The following INPP4B variants were observed in gnomAD, a reference collection of about 807,000 sequenced individuals.
INPP4B encodes inositol polyphosphate 4-phosphatase type II.
In INPP4B, 55 loss-of-function variants were observed where a neutral mutation model predicts 122.5. The observed-to-expected ratio is 0.45, with a 90% CI of 0.36 to 0.56. The LOEUF (loss-of-function observed/expected upper bound fraction) is 0.56. INPP4B is among the 20% of genes least tolerant of loss of function. The pLI is 0.00. For synonymous variants in INPP4B, 403 were observed against 388.7 expected (o/e 1.04, Z -0.43); for missense variants, 1,000 against 1,097.7 (o/e 0.91, Z 1.26).
chr4:142,649,572 A>C (rs993372691), intron 2 of INPP4B, among the ~76,000 whole-genome samples: 1 of 152,230 alleles, frequency 6.6e-6, no homozygotes, highest in Admixed American at 6.5e-5. Flanking sequence ...ATGCATACAT[A>C]AGCTTCAATA....
At chr4:142,713,980 A>G (rs1445846228) in intron 2 of INPP4B, among the ~76,000 whole-genome samples, 1 of 152,206 alleles carries the variant, frequency 6.6e-6, no homozygotes, top group Non-Finnish European at 1.5e-5. Flanking sequence ...TTACATGAAA[A>G]CATACACTAA....
chr4:142,398,422 ATATATATATATATATATATAT>A (rs1267681045), intron 7 of INPP4B, among the ~76,000 whole-genome samples: 2 of 106,404 alleles, frequency 1.9e-5, no homozygotes, highest in East Asian at 3.2e-4. Flanking sequence ...ATATATATAT[ATATATATATATATATATATAT>A]ATAAAACATA....
chr4:142,533,899 G>A (rs976719071), intron 2 of INPP4B, among the ~76,000 whole-genome samples: 1 of 152,134 alleles, frequency 6.6e-6, no homozygotes, highest in African/African-American at 2.4e-5. Context: ...GGATGCCATG[G>A]TCATAAACTT....
chr4:142,786,602 A>G (rs1678530669), intron 1 of INPP4B, among the ~76,000 whole-genome samples: 2 of 152,116 alleles, frequency 1.3e-5, no homozygotes, highest in South Asian at 4.1e-4. Context: ...AGAAAAAGTA[A>G]CTGTACAGTG....
At chr4:142,489,554 C>T (rs1045010888) in intron 2 of INPP4B, among the ~76,000 whole-genome samples, 3 of 152,000 alleles carry the variant, frequency 2.0e-5, no homozygotes, top group African/African-American at 4.8e-5. Context: ...CCACTACGCT[C>T]TGCTAATTTT....
At chr4:142,765,795 A>G (rs1772028344) in intron 1 of INPP4B, 1 of 151,776 alleles carries the variant, frequency 6.6e-6, no homozygotes, top group East Asian at 1.9e-4. Flanking sequence ...TATAAGCTAT[A>G]ATCCAGCTCA....
At chr4:142,594,920 A>ATC (rs1738346095) in intron 2 of INPP4B, among the ~76,000 whole-genome samples, 7 of 141,632 alleles carry the variant, frequency 4.9e-5, no homozygotes, top group Admixed American at 2.3e-4. Flanking sequence ...GCGTCACTGC[A>ATC]CTCCAGCCTG....
At chr4:142,505,061 C>A (rs1364857512) in intron 2 of INPP4B, among the ~76,000 whole-genome samples, 4 of 151,418 alleles carry the variant, frequency 2.6e-5, no homozygotes, top group African/African-American at 9.7e-5. Flanking sequence ...ATAGTGAGAC[C>A]CAATGTCTAC....
intron 18 of INPP4B, among the ~76,000 whole-genome samples, chr4:142,140,652 C>T (rs955176369): frequency 7.2e-5 from 11 of 152,154 alleles, no homozygotes; most frequent in African/African-American, 2.7e-4. Context: ...GCATTTTATA[C>T]TAGTCAGTCA....
At chr4:142,732,846 G>C (rs1280731693) in intron 1 of INPP4B, among the ~76,000 whole-genome samples, 1 of 151,894 alleles carries the variant, frequency 6.6e-6, no homozygotes, top group East Asian at 1.9e-4. Flanking sequence ...AATTTGTACA[G>C]AAATACAAAG....
intron 15 of INPP4B, among the ~76,000 whole-genome samples, chr4:142,183,470 A>T (rs1292927798): frequency 6.6e-6 from 1 of 152,168 alleles, no homozygotes; most frequent in Non-Finnish European, 1.5e-5. Flanking sequence ...CCATATGTAC[A>T]TTTTTTTAAA....
At chr4:142,515,610 C>T (rs915804950) in intron 2 of INPP4B, among the ~76,000 whole-genome samples, 7 of 152,138 alleles carry the variant, frequency 4.6e-5, no homozygotes, top group African/African-American at 1.7e-4. Context: ...CCTCAGCAAC[C>T]TAGCCCCCGG....
At chr4:142,236,942 G>C (rs1423287166) in intron 12 of INPP4B, among the ~76,000 whole-genome samples, 1 of 152,186 alleles carries the variant, frequency 6.6e-6, no homozygotes, top group African/African-American at 2.4e-5. Context: ...CTAATTTAAT[G>C]AGATTTAGAA....
chr4:142,705,210 C>T (rs192318686), intron 2 of INPP4B, among the ~76,000 whole-genome samples: 2 of 152,210 alleles, frequency 1.3e-5, no homozygotes, highest in Non-Finnish European at 1.5e-5. Flanking sequence ...AGATGGGAAC[C>T]TTGATGTTCA....
intron 2 of INPP4B, among the ~76,000 whole-genome samples, chr4:142,478,477 T>C (rs1462757423): frequency 6.6e-6 from 1 of 152,170 alleles, no homozygotes; most frequent in African/African-American, 2.4e-5. Context: ...GCCTAGTTGG[T>C]TGAGAGTTAT....
chr4:142,151,164 C>G (rs550365203), intron 17 of INPP4B, among the ~76,000 whole-genome samples: 16 of 152,276 alleles, frequency 1.1e-4, no homozygotes, highest in African/African-American at 3.8e-4. Context: ...CTTTCAAGAG[C>G]TGGATAGCTT....
chr4:142,815,987 T>C (rs1780071223), intron 1 of INPP4B, among the ~76,000 whole-genome samples: 1 of 152,168 alleles, frequency 6.6e-6, no homozygotes, highest in Admixed American at 6.6e-5. Flanking sequence ...AATAAAGGTC[T>C]GTTTTCTATT....
At chr4:142,340,892 A>G (rs1281914954) in intron 7 of INPP4B, among the ~76,000 whole-genome samples, 1 of 152,014 alleles carries the variant, frequency 6.6e-6, no homozygotes, top group Non-Finnish European at 1.5e-5. Context: ...CCATCTGGAG[A>G]AAAAAAACTG....
chr4:142,670,995 G>A (rs1756911202), intron 2 of INPP4B, among the ~76,000 whole-genome samples: 1 of 151,974 alleles, frequency 6.6e-6, no homozygotes, highest in African/African-American at 2.4e-5. Context: ...GTCAGTTACA[G>A]GGAAAAAGCA....
Sources: allele counts gnomAD v4.1 joint callset (sites outside exome capture counted in the v4.1 genomes callset), GRCh38; gene constraint gnomAD v4.1.1; transcripts MANE v1.5; gene names NCBI Gene and HGNC (gene_info 2026-07-23, HGNC 2026-07-21).